BCAS3: variants seen among roughly 807,000 people sequenced by gnomAD.
BCAS3 encodes the protein BCAS4/BCAS3 fusion.
In BCAS3, 53 loss-of-function variants were observed where a neutral mutation model predicts 116.1. The ratio of observed to expected loss-of-function variants is 0.46; its 90% CI spans 0.37 to 0.57. BCAS3 has a LOEUF of 0.57. Ranked by LOEUF, BCAS3 falls within the 20% of genes least tolerant of loss-of-function variation. The pLI, the probability that BCAS3 is intolerant of heterozygous loss-of-function variation, is 0.00. For missense variants in BCAS3, 917 were observed against 1,165.4 expected, an observed-to-expected ratio of 0.79 and a Z score of 3.10; for synonymous variants, 391 against 408.2, an observed-to-expected ratio of 0.96 and a Z score of 0.51.
intron 7 of BCAS3, among the ~76,000 whole-genome samples, chr17:60,853,636 T>C (rs748162577): frequency 3.9e-5 from 6 of 152,230 alleles, no homozygotes; most frequent in Non-Finnish European, 5.9e-5. Context: ...CAAATAGATA[T>C]GTAGTCAGAT....
intron 22 of BCAS3, among the ~76,000 whole-genome samples, chr17:61,296,036 A>G (rs1290498032): frequency 3.3e-5 from 5 of 152,134 alleles, no homozygotes; most frequent in Non-Finnish European, 7.3e-5. Flanking sequence ...CTCCTGCATC[A>G]GCCCAAAAGG....
At chr17:60,845,910 G>A (rs770537282) in intron 7 of BCAS3, among the ~76,000 whole-genome samples, 6 of 150,342 alleles carry the variant, frequency 4.0e-5, no homozygotes, top group Non-Finnish European at 7.4e-5. Context: ...GGGCCCACAG[G>A]TATGTACCAC....
In BCAS3 at chr17:61,361,313, G is replaced by A. The variant is rs189994212; in HGVS notation, c.2426-7014G>A. Among the ~76,000 whole-genome samples, 35 of 151,958 alleles carry A rather than the reference G, an allele frequency of 2.3e-4. No homozygotes were observed. Among genetic ancestry groups the A allele is most frequent in the Non-Finnish European group, 4.6e-4 (31 of 68,004 alleles). On this transcript the variant is annotated intron_variant, in intron 22 of 23. Coordinates refer to ENST00000407086, the MANE Select transcript of BCAS3 (RefSeq NM_017679.5). This position sits in a 1 kb window ranked among gnomAD's most constrained non-coding sequence, Gnocchi z 6.5. ...ATCTATGTTCTAAGCTTTAAAGTGT[G>A]CATTATGCAATTGCATATTTTGCAG... is the stretch of plus-strand genomic sequence containing the variant.
rs190606390 is a variant in BCAS3 at position 60,984,627 on chromosome 17, A to T, written c.1222-5344A>T. Among the ~76,000 whole-genome samples, 54 of 152,278 alleles carry T rather than the reference A, an allele frequency of 3.5e-4. No individual in the cohort carries two copies. In the Middle Eastern group the frequency reaches 0.01, roughly 29 times the overall value. On this transcript the variant is annotated intron_variant, in intron 14 of 23. Coordinates refer to ENST00000407086, the MANE Select transcript of BCAS3 (RefSeq NM_017679.5). ...CTCAAGCATGTATCCTCTGTGTTAC[A>T]AACAGTCCAATTACACTCTTTTAAT...
intron 22 of BCAS3, among the ~76,000 whole-genome samples, chr17:61,209,262 A>G (rs1487042031): frequency 1.3e-5 from 2 of 152,050 alleles, no homozygotes; most frequent in African/African-American, 4.8e-5. Flanking sequence ...GAATGACTCT[A>G]GAGCCGTTTC....
Position 61,381,323 on chromosome 17 carries a change from C to T in BCAS3, c.2594-10654C>T, listed in dbSNP as rs1357946610. ...ATAATGAATAGAGCCCCGGCACCAG[C>T]AGCCAGTCTGTGAGCACCGCACAAA... On this transcript the variant is annotated intron_variant, in intron 23 of 23. Transcript: ENST00000407086. This position sits in a 1 kb window ranked among gnomAD's most constrained non-coding sequence, Gnocchi z 6.0. Among the ~76,000 whole-genome samples the T allele has an allele frequency of 6.6e-6, 1 of 152,232 alleles. No individual in the cohort carries two copies. Among genetic ancestry groups the T allele is most frequent in the Non-Finnish European group, 1.5e-5 (1 of 68,044 alleles).
chr17:61,006,095 A>G (rs909670634), intron 15 of BCAS3, among the ~76,000 whole-genome samples: 11 of 151,730 alleles, frequency 7.2e-5, no homozygotes, highest in Admixed American at 2.0e-4. Flanking sequence ...ATGATTTCCA[A>G]TTTCATCCAT....
Position 61,211,670 on chromosome 17 carries a change from T to TTA in BCAS3, c.2425+127106_2425+127107insTA, listed in dbSNP as rs398119934. The stretch of plus-strand genomic sequence containing the variant: ...TGTTTGCATCCAGGTCATTTCTCCA[T>TTA]AAAAAAAAAAAAAAAATGCCACTGA... On this transcript the variant is annotated intron_variant, in intron 22 of 23. Transcript: ENST00000407086. This position sits in a 1 kb window ranked among gnomAD's most constrained non-coding sequence, Gnocchi z 4.4. Among the ~76,000 whole-genome samples the TTA allele has an allele frequency of 2.9e-3, 254 of 86,636 alleles. 2 individuals carry two copies. Among genetic ancestry groups the TTA allele is most frequent in the East Asian group, 9.4e-3 (16 of 1,698 alleles). 56.8% of individuals were successfully genotyped at this position (86,636 alleles called of 152,430 possible). A position where few individuals can be genotyped will look rare whatever the true frequency, so the allele number is the denominator to read the frequency against.
intron 16 of BCAS3, among the ~76,000 whole-genome samples, chr17:61,025,597 A>G (rs1268545354): frequency 1.3e-5 from 2 of 152,118 alleles, no homozygotes; most frequent in Non-Finnish European, 2.9e-5. Context: ...TTCACAGTCA[A>G]AAAAGTTTAA....
chr17:60,828,306 T>C (rs2050612383), intron 7 of BCAS3, among the ~76,000 whole-genome samples: 1 of 152,210 alleles, frequency 6.6e-6, no homozygotes, highest in Admixed American at 6.5e-5. Flanking sequence ...GTTGTGATTA[T>C]GTTAAAGACA....
rs2063435800 is a variant in BCAS3 at position 60,990,196 on chromosome 17, C to G, written c.1447C>G (p.Pro483Ala). The G allele has an allele frequency of 1.2e-6, 2 of 1,614,062 alleles. No individual in the cohort carries two copies. Among genetic ancestry groups the G allele is most frequent in the African/African-American group, 2.7e-5 (2 of 74,936 alleles). Reference protein sequence around the residue: ...SKQGGRCSPVPGLSSSPSGSP... With the variant: ...SKQGGRCSPVAGLSSSPSGSP... The stretch of plus-strand genomic sequence containing the variant: ...GCAAGGAGGTCGCTGTAGCCCTGTT[C>G]CAGGTCTATCAAGCAGCCCTTCTGG... Residue 483 changes from proline (P) to alanine (A), a missense_variant, in exon 15 of 24, where the codon CCA (proline) becomes GCA (alanine). Physicochemically the swap from Pro to Ala is conservative, Grantham distance 27. Around this residue, in one of 3 missense-constraint regions of BCAS3, gnomAD observed 807 missense variants for 1,026.0 expected, o/e 0.79. Coordinates refer to ENST00000407086, the MANE Select transcript of BCAS3 (RefSeq NM_017679.5). This position sits in a 1 kb window ranked among gnomAD's most constrained non-coding sequence, Gnocchi z 5.1.
At position 61,366,723 on chromosome 17, in the gene BCAS3, G is replaced by T. The variant is rs115190347; in HGVS notation, c.2426-1604G>T. Among the ~76,000 whole-genome samples, 910 of 152,312 alleles carry T rather than the reference G, an allele frequency of 6.0e-3. 13 individuals are homozygous for T. The highest frequency in any genetic ancestry group is 0.021 in the African/African-American group (873 of 41,558). ...ATCCCAAGCAACCCACTCCTAAGGT[G>T]GGCCTCTTCTTGGGGAGATGCCCTT... is the stretch of plus-strand genomic sequence containing the variant. On this transcript the variant is annotated intron_variant, in intron 22 of 23. Coordinates refer to ENST00000407086, the MANE Select transcript of BCAS3 (RefSeq NM_017679.5). This position sits in a 1 kb window ranked among gnomAD's most constrained non-coding sequence, Gnocchi z 4.5.
intron 7 of BCAS3, among the ~76,000 whole-genome samples, chr17:60,828,327 T>C (rs753687195): frequency 6.6e-5 from 10 of 152,216 alleles, no homozygotes; most frequent in Admixed American, 5.2e-4. Flanking sequence ...AAAGTTGAAG[T>C]AGATAATTAG....
chr17:60,759,908 T>C (rs913332316), intron 6 of BCAS3, among the ~76,000 whole-genome samples: 2 of 152,104 alleles, frequency 1.3e-5, no homozygotes, highest in African/African-American at 4.8e-5. Context: ...TTAAAGTGGT[T>C]CTCCCACCTT....
chr17:61,179,159 A>G (rs1175338451), intron 22 of BCAS3, among the ~76,000 whole-genome samples: 1 of 152,134 alleles, frequency 6.6e-6, no homozygotes, highest in East Asian at 1.9e-4. Context: ...CTTGCTAGAA[A>G]CAGCTATTTA....
chr17:60,796,986 A>G (rs1454821243), intron 6 of BCAS3, among the ~76,000 whole-genome samples: 1 of 152,048 alleles, frequency 6.6e-6, no homozygotes, highest in Non-Finnish European at 1.5e-5. Context: ...GCTCACTGCA[A>G]CAGGTTCAAG....
chr17:60,781,415 G>A (rs576282808), intron 6 of BCAS3, among the ~76,000 whole-genome samples: 3 of 151,910 alleles, frequency 2.0e-5, no homozygotes, highest in Admixed American at 2.0e-4. Context: ...CCTGGCCAAC[G>A]TGGTGAAACT....
At chr17:61,102,584 A>G (rs2074395140) in intron 22 of BCAS3, among the ~76,000 whole-genome samples, 1 of 152,154 alleles carries the variant, frequency 6.6e-6, no homozygotes, top group South Asian at 2.1e-4. Flanking sequence ...TGTCATGAAC[A>G]TGTTTTACAT....
chr17:60,691,929 T>A (rs1457838271), intron 4 of BCAS3, among the ~76,000 whole-genome samples: 1 of 151,996 alleles, frequency 6.6e-6, no homozygotes, highest in Non-Finnish European at 1.5e-5. Flanking sequence ...TTTTTTTCAT[T>A]TTGGAACATT....
Sources: gnomAD v4.1 joint callset for allele counts (sites outside exome capture counted in the v4.1 genomes callset) on GRCh38, gnomAD v4.1.1 for gene constraint, gnomAD v4.1.1 regional missense constraint, Gnocchi (gnomAD v3.1) non-coding constraint, MANE v1.5 for transcripts, NCBI Gene and HGNC (gene_info 2026-07-23, HGNC 2026-07-21) for gene names.